The following HSDL2 variants were observed in gnomAD, a reference collection of about 807,000 sequenced individuals.
HSDL2 encodes the protein hydroxysteroid dehydrogenase-like protein 2.
Under a neutral mutation model 46.3 loss-of-function variants are expected in HSDL2, and 27 were observed. That is an observed-to-expected ratio of 0.58 (90% confidence interval 0.43 to 0.80). HSDL2 has a LOEUF of 0.80. Ranked by LOEUF, HSDL2 falls within the 30% of genes least tolerant of loss-of-function variation. The probability of loss-of-function intolerance (pLI) is 0.00; values close to 1 mark genes in which losing one functional copy is unlikely to be tolerated. For missense variants in HSDL2, 451 were observed against 502.7 expected (o/e 0.90, Z 0.98); for synonymous variants, 153 against 163.6 (o/e 0.94, Z 0.50).
At chr9:112,387,639 G>A (rs62568814) in intron 1 of HSDL2, among the ~76,000 whole-genome samples, 20,854 of 152,028 alleles carry the variant, frequency 0.14, 2,013 homozygotes, top group East Asian at 0.22. Context: ...AAGAGTCTTC[G>A]TTTTTGCACT....
At chr9:112,439,616 A>G (rs1404199432) in intron 7 of HSDL2, among the ~76,000 whole-genome samples, 1 of 152,234 alleles carries the variant, frequency 6.6e-6, no homozygotes, top group East Asian at 1.9e-4. Context: ...CATTAAACTG[A>G]GCTTCTAAAT....
intron 1 of HSDL2, 56 bp from the exon 2 acceptor site, chr9:112,403,939 C>A: frequency 6.5e-7 from 1 of 1,532,476 alleles, no homozygotes; most frequent in Non-Finnish European, 8.9e-7. Flanking sequence ...GTTCTGATAC[C>A]TGTCAGTAAA....
chr9:112,437,227 C>T (rs10817342), intron 6 of HSDL2, among the ~76,000 whole-genome samples: 64,149 of 151,670 alleles, frequency 0.42, 13,689 homozygotes, highest in Middle Eastern at 0.51. Flanking sequence ...CCCACAGTGC[C>T]GGGATTACAG....
At chr9:112,440,680 C>G (rs922644598) in intron 7 of HSDL2, among the ~76,000 whole-genome samples, 21 of 152,094 alleles carry the variant, frequency 1.4e-4, no homozygotes, top group African/African-American at 4.8e-4. Context: ...CAAGACCATA[C>G]TGGGCAACAT....
In HSDL2 at chr9:112,405,657, T is replaced by A; in HGVS notation, c.215T>A (p.Ile72Asn). The change falls in exon 3 of 11, where the codon ATT (isoleucine) becomes AAT (asparagine). Residue 72 changes from isoleucine to asparagine, a missense_variant. Coordinates refer to ENST00000398805, the MANE Select transcript of HSDL2 (RefSeq NM_032303.5). ...EAVGGKALPC[I>N]VDVRDEQQIS... The stretch of plus-strand genomic sequence containing the variant: ...GTTGGAGGAAAGGCCTTGCCATGTA[T>A]TGTTGATGTGAGAGATGAACAGCAG... The A allele has an allele frequency of 6.2e-7, 1 of 1,613,556 alleles. No homozygotes were observed. The highest frequency in any genetic ancestry group is 8.5e-7 in the Non-Finnish European group (1 of 1,179,652).
Position 112,471,776 on chromosome 9 carries a change from A to T in HSDL2, c.*1232A>T, listed in dbSNP as rs1587978065. On this transcript the variant is annotated 3_prime_UTR_variant, in exon 11 of 11. Transcript: ENST00000398805. ...GCTGGGAGGGTTGAGGGGAAGATAAACTTTTAAAAAGCTCTTATCTTTCAT... is the reference window on the plus strand; with the variant it reads ...GCTGGGAGGGTTGAGGGGAAGATAATCTTTTAAAAAGCTCTTATCTTTCAT... 1 of 152,138 alleles carries T rather than the reference A, an allele frequency of 6.6e-6. No homozygotes were observed. Among genetic ancestry groups the T allele is most frequent in the Non-Finnish European group, 1.5e-5 (1 of 68,030 alleles). The allele number at this position is 152,138 out of a possible 1,614,324, so 9.4% of individuals were successfully genotyped here.
At chr9:112,464,375 A>G (rs1833314182) in intron 10 of HSDL2, among the ~76,000 whole-genome samples, 1 of 151,948 alleles carries the variant, frequency 6.6e-6, no homozygotes, top group Non-Finnish European at 1.5e-5. Flanking sequence ...TTCTCTTTCC[A>G]TTTTCTTAAA....
At chr9:112,390,868 T>G (rs1429665601) in intron 1 of HSDL2, among the ~76,000 whole-genome samples, 1 of 152,158 alleles carries the variant, frequency 6.6e-6, no homozygotes, top group Non-Finnish European at 1.5e-5. Context: ...AAGAAAAGAA[T>G]TATAAATTCT....
intron 1 of HSDL2, among the ~76,000 whole-genome samples, chr9:112,399,476 G>C (rs553062473): frequency 4.6e-5 from 7 of 152,272 alleles, no homozygotes; most frequent in African/African-American, 1.7e-4. Context: ...AACAGGGTTC[G>C]AGAGCAGAGA....
Position 112,396,409 on chromosome 9 carries a change from A to G in HSDL2, c.18-7586A>G, listed in dbSNP as rs145311500. Among the ~76,000 whole-genome samples the G allele has an allele frequency of 9.1e-3, 1,391 of 152,320 alleles. 26 individuals carry two copies. Among genetic ancestry groups the G allele is most frequent in the African/African-American group, 0.031 (1,303 of 41,554 alleles). ...TTTTTTCCTTGAATGTGTATGGTGC[A>G]GGTGGGCTGTTGTTTAGAAATTACA... is the stretch of plus-strand genomic sequence containing the variant. On this transcript the variant is annotated intron_variant, in intron 1 of 10. Transcript: ENST00000398805.
intron 9 of HSDL2, 103 bp from the exon 10 acceptor site, chr9:112,459,346 T>C: frequency 7.5e-7 from 1 of 1,328,396 alleles, no homozygotes; most frequent in East Asian, 2.4e-5. Context: ...GGATTTTAAC[T>C]TGGAAAACAG....
chr9:112,438,629 A>T lies in HSDL2; in HGVS notation c.793+4A>T. The T allele has an allele frequency of 2.7e-6, 4 of 1,508,526 alleles. No individual in the cohort carries two copies. Among genetic ancestry groups the T allele is most frequent in the Non-Finnish European group, 3.6e-6 (4 of 1,099,796 alleles). The allele number at this position is 1,508,526 out of a possible 1,614,324, so 93.4% of individuals were successfully genotyped here. On this transcript the variant is annotated splice_donor_region_variant and intron_variant, in intron 7 of 10. Coordinates refer to ENST00000398805, the MANE Select transcript of HSDL2 (RefSeq NM_032303.5). ...GACGTTTATGCAATTAAACCAGGTAATGCTTTTATAGTTTTTAAAAGTAGT... is the reference window on the plus strand; with the variant it reads ...GACGTTTATGCAATTAAACCAGGTATTGCTTTTATAGTTTTTAAAAGTAGT...
chr9:112,404,633 G>A (rs987765126), intron 2 of HSDL2, among the ~76,000 whole-genome samples: 5 of 152,132 alleles, frequency 3.3e-5, no homozygotes, highest in African/African-American at 7.2e-5. Context: ...TTGGTGAGTG[G>A]CATGAACTCT....
In HSDL2 at chr9:112,450,972, G is replaced by A. The variant is rs534364024; in HGVS notation, c.866-3041G>A. Reference sequence around the variant, plus strand: ...AATCCCAATCATGGGTGGCTGAGGCGGGTGGATCGTTTGAGTCTAGGAGTT... The same window carrying A: ...AATCCCAATCATGGGTGGCTGAGGCAGGTGGATCGTTTGAGTCTAGGAGTT... On this transcript the variant is annotated intron_variant, in intron 8 of 10. Transcript: ENST00000398805. 1.8e-4 allele frequency among the ~76,000 whole-genome samples: 27 copies of A among 152,106 alleles called. 2 individuals are homozygous for A. The South Asian group carries it at 4.4e-3, about 25-fold the overall frequency.
chr9:112,438,579 A>C lies in HSDL2; in HGVS notation c.747A>C (p.Leu249Phe). 6.2e-7 allele frequency: 1 copy of C among 1,609,406 alleles called. No individual in the cohort carries two copies. ...TGNFVIDENILKEEGIENFDV... is the reference protein window; with the variant it reads ...TGNFVIDENIFKEEGIENFDV... ...ACTTTGTCATTGATGAAAATATCTTAAAAGAAGAAGGAATAGAAAATTTTG... is the reference window on the plus strand; with the variant it reads ...ACTTTGTCATTGATGAAAATATCTTCAAAGAAGAAGGAATAGAAAATTTTG... The change falls in exon 7 of 11, where the codon TTA becomes TTC. Residue 249 changes from leucine to phenylalanine, a missense_variant. Coordinates refer to ENST00000398805, the MANE Select transcript of HSDL2 (RefSeq NM_032303.5).
intron 4 of HSDL2, among the ~76,000 whole-genome samples, chr9:112,412,000 A>G (rs1312239714): frequency 4.6e-5 from 7 of 152,206 alleles, no homozygotes; most frequent in African/African-American, 1.7e-4. Flanking sequence ...TCTATTATAG[A>G]TGATGAAGCC....
intron 10 of HSDL2, among the ~76,000 whole-genome samples, chr9:112,463,842 C>T (rs1464889456): frequency 1.3e-5 from 2 of 151,524 alleles, no homozygotes; most frequent in Non-Finnish European, 2.9e-5. Flanking sequence ...TGTATTTTTA[C>T]TAGAGACGGG....
chr9:112,447,964 A>G lies in HSDL2; in HGVS notation c.866-6049A>G, dbSNP rs150269155. On this transcript the variant is annotated intron_variant, in intron 8 of 10. Coordinates refer to ENST00000398805, the MANE Select transcript of HSDL2 (RefSeq NM_032303.5). ...TAATAGTTTTTGAGAGAGCGTGAGT[A>G]CTCATTGAAAGCATAGACTTTGGAG... Among the ~76,000 whole-genome samples, 93 of 152,290 alleles carry G rather than the reference A, an allele frequency of 6.1e-4. 1 individual carries two copies. The highest frequency in any genetic ancestry group is 2.2e-3 in the African/African-American group (93 of 41,552).
chr9:112,451,275 ATG>A (rs1832880623), intron 8 of HSDL2, among the ~76,000 whole-genome samples: 1 of 152,214 alleles, frequency 6.6e-6, no homozygotes, highest in Non-Finnish European at 1.5e-5. Context: ...ATTAATAGTA[ATG>A]TGTCTCATTC....
Sources: allele counts gnomAD v4.1 joint callset (sites outside exome capture counted in the v4.1 genomes callset), GRCh38; gene constraint gnomAD v4.1.1; transcripts MANE v1.5; gene names NCBI Gene and HGNC (gene_info 2026-07-23, HGNC 2026-07-21).